The following MAPK10 variants were observed in gnomAD, a reference collection of about 807,000 sequenced individuals.
MAPK10 encodes the protein JNK3 alpha protein kinase.
In MAPK10, 25 loss-of-function variants were observed where a neutral mutation model predicts 59.3. The ratio of observed to expected loss-of-function variants is 0.42; its 90% CI spans 0.31 to 0.59. The LOEUF (loss-of-function observed/expected upper bound fraction) is 0.59, where lower values mean the gene tolerates loss of function less well. Among genes scored for constraint, MAPK10 ranks in the 20% least tolerant of loss-of-function variants. MAPK10 has a pLI of 0.15. For synonymous variants in MAPK10, 190 were observed against 200.5 expected (o/e 0.95, Z 0.44); for missense variants, 351 against 568.9 (o/e 0.62, Z 3.90).
intron 1 of MAPK10, among the ~76,000 whole-genome samples, chr4:86,430,583 A>G (rs1747903464): frequency 6.6e-6 from 1 of 152,202 alleles, no homozygotes; most frequent in Non-Finnish European, 1.5e-5. Context: ...TATGAAGGCT[A>G]TTATAGGATT....
chr4:86,578,989 T>C (rs1227660849), intron 1 of MAPK10, among the ~76,000 whole-genome samples: 3 of 152,178 alleles, frequency 2.0e-5, no homozygotes, highest in Non-Finnish European at 4.4e-5. Context: ...AGGATGACAC[T>C]TTTATTCTTA....
At chr4:86,120,268 T>TACCAA (rs1310046259) in intron 4 of MAPK10, 29 of 152,338 alleles carry the variant, frequency 1.9e-4, no homozygotes, top group African/African-American at 6.7e-4. Flanking sequence ...AACCACTTTG[T>TACCAA]GCTTGGTAGA....
chr4:86,394,292 AAAG>A (rs1742632379), intron 1 of MAPK10, among the ~76,000 whole-genome samples: 1 of 152,084 alleles, frequency 6.6e-6, no homozygotes, highest in Non-Finnish European at 1.5e-5. Context: ...AGAAAGAAAG[AAAG>A]AAGAATTGAT....
At chr4:86,180,470 C>A (rs1355100791) in intron 3 of MAPK10, among the ~76,000 whole-genome samples, 1 of 148,122 alleles carries the variant, frequency 6.8e-6, no homozygotes, top group Non-Finnish European at 1.5e-5. Flanking sequence ...ATCCAGCAAT[C>A]CCACTACTGG....
At chr4:86,215,600 G>A (rs1415259721) in intron 2 of MAPK10, among the ~76,000 whole-genome samples, 1 of 152,226 alleles carries the variant, frequency 6.6e-6, no homozygotes, top group Non-Finnish European at 1.5e-5. Flanking sequence ...AGTGGCTCAT[G>A]CCTGTAATCC....
intron 1 of MAPK10, among the ~76,000 whole-genome samples, chr4:86,593,387 A>G (rs979147247): frequency 6.6e-6 from 1 of 152,204 alleles, no homozygotes; most frequent in Non-Finnish European, 1.5e-5. Flanking sequence ...CAAAACTTTC[A>G]AAACTCAAAT....
At chr4:86,471,790 C>G (rs1739507507) in intron 1 of MAPK10, among the ~76,000 whole-genome samples, 1 of 151,794 alleles carries the variant, frequency 6.6e-6, no homozygotes, top group Admixed American at 6.6e-5. Flanking sequence ...TTTTTTTCAA[C>G]AAAGAGAAAC....
intron 2 of MAPK10, among the ~76,000 whole-genome samples, chr4:86,197,196 G>C (rs1195626585): frequency 3.9e-5 from 6 of 152,164 alleles, no homozygotes; most frequent in African/African-American, 7.2e-5. Flanking sequence ...CATGAGCATG[G>C]AATGTTTTTC....
chr4:86,458,409 C>G (rs1217973146), intron 1 of MAPK10, among the ~76,000 whole-genome samples: 1 of 151,986 alleles, frequency 6.6e-6, no homozygotes, highest in Non-Finnish European at 1.5e-5. Context: ...TTTTGGTGAG[C>G]TGAGATCATG....
At chr4:86,286,520 C>G (rs2095018460) in intron 2 of MAPK10, among the ~76,000 whole-genome samples, 1 of 152,156 alleles carries the variant, frequency 6.6e-6, no homozygotes, top group African/African-American at 2.4e-5. Context: ...ATCCTTATAG[C>G]AACCAGATGA....
chr4:86,555,315 C>T lies in MAPK10; in HGVS notation c.-263+38595G>A, dbSNP rs185183738. 7.0e-3 allele frequency among the ~76,000 whole-genome samples: 1,071 copies of T among 152,052 alleles called. 10 individuals carry two copies. Among genetic ancestry groups the T allele is most frequent in the African/African-American group, 0.023 (965 of 41,482 alleles). On this transcript the variant is annotated intron_variant, in intron 1 of 4. Coordinates refer to the MAPK10 transcript ENST00000502302. ...TCAAAAATTAGCCGGGCGCGGTGGC[C>T]GGTGCCTGTAGTCCCAGCTACTCTG...
chr4:86,318,353 A>G (rs2095828976), intron 2 of MAPK10, among the ~76,000 whole-genome samples: 1 of 152,090 alleles, frequency 6.6e-6, no homozygotes, highest in Non-Finnish European at 1.5e-5. Context: ...AATTTGGGGT[A>G]TTTGGAGAAA....
At chr4:86,548,181 G>C (rs1359208583) in intron 1 of MAPK10, among the ~76,000 whole-genome samples, 1 of 152,074 alleles carries the variant, frequency 6.6e-6, no homozygotes, top group Non-Finnish European at 1.5e-5. Context: ...AAGCCAGCGA[G>C]ACCACGAACC....
chr4:86,357,802 T>G (rs1195153228), intron 1 of MAPK10: 2 of 152,252 alleles, frequency 1.3e-5, no homozygotes, highest in African/African-American at 2.4e-5. Context: ...AATTTCTTAC[T>G]GCCTCACTAT....
At chr4:86,172,854 C>T (rs539863871) in intron 3 of MAPK10, among the ~76,000 whole-genome samples, 56 of 151,594 alleles carry the variant, frequency 3.7e-4, no homozygotes, top group Non-Finnish European at 6.3e-4. Context: ...CATGAATGAA[C>T]TTCCATTCAC....
chr4:86,519,717 A>G (rs1417189924), intron 1 of MAPK10, among the ~76,000 whole-genome samples: 1 of 151,992 alleles, frequency 6.6e-6, no homozygotes, highest in Non-Finnish European at 1.5e-5. Flanking sequence ...GTCTTGTGAG[A>G]TTTATGCTTT....
At chr4:86,295,252 A>G (rs766765093) in intron 2 of MAPK10, among the ~76,000 whole-genome samples, 14 of 152,048 alleles carry the variant, frequency 9.2e-5, no homozygotes, top group Admixed American at 7.9e-4. Flanking sequence ...TGCCTGGAGG[A>G]TGCTCTCCCA....
At chr4:86,132,015 T>C (rs2061091804) in intron 4 of MAPK10, among the ~76,000 whole-genome samples, 1 of 152,196 alleles carries the variant, frequency 6.6e-6, no homozygotes, top group African/African-American at 2.4e-5. Context: ...GACGATACAC[T>C]GCTGGTCCTA....
intron 1 of MAPK10, among the ~76,000 whole-genome samples, chr4:86,413,888 C>G (rs114905518): frequency 6.6e-6 from 1 of 152,096 alleles, no homozygotes; most frequent in Non-Finnish European, 1.5e-5. Context: ...GAGGCAATGC[C>G]CTGCCCTGCT....
Sources: gnomAD v4.1 joint callset for allele counts (sites outside exome capture counted in the v4.1 genomes callset) on GRCh38, gnomAD v4.1.1 for gene constraint, MANE v1.5 for transcripts, NCBI Gene and HGNC (gene_info 2026-07-23, HGNC 2026-07-21) for gene names.